GOLGA1: variants seen among roughly 807,000 people sequenced by gnomAD.
GOLGA1 encodes golgin A1.
A neutral mutation model predicts 119.7 loss-of-function variants in GOLGA1; 63 were observed. The observed-to-expected ratio is 0.53, with a 90% CI of 0.43 to 0.65. GOLGA1 has a LOEUF of 0.65. GOLGA1 is among the 30% of genes least tolerant of loss of function. The pLI is 0.00. For missense variants in GOLGA1, 798 were observed against 912.8 expected (o/e 0.87, Z 1.62); for synonymous variants, 318 against 333.4 (o/e 0.95, Z 0.50).
intron 12 of GOLGA1, 65 bp downstream of exon 12, chr9:124,908,312 C>T (rs945125025): frequency 3.6e-6 from 3 of 843,904 alleles, no homozygotes; most frequent in Non-Finnish European, 6.2e-6. Context: ...TTCTCAGTCA[C>T]ACCATGTTGC....
intron 19 of GOLGA1, among the ~76,000 whole-genome samples, chr9:124,884,354 A>C (rs1167722138): frequency 6.6e-6 from 1 of 152,200 alleles, no homozygotes; most frequent in Non-Finnish European, 1.5e-5. Flanking sequence ...GTAATATATC[A>C]AAATGCATTC....
chr9:124,936,454 C>A (rs1830872144), intron 3 of GOLGA1, among the ~76,000 whole-genome samples: 1 of 151,750 alleles, frequency 6.6e-6, no homozygotes, highest in Non-Finnish European at 1.5e-5. Context: ...TAAAAAAAAT[C>A]TTTAGAGACA....
intron 14 of GOLGA1, among the ~76,000 whole-genome samples, chr9:124,898,978 T>C (rs1237558644): frequency 6.6e-6 from 1 of 152,138 alleles, no homozygotes; most frequent in African/African-American, 2.4e-5. Flanking sequence ...GGCAGATCCC[T>C]TGAGCCTAGG....
chr9:124,939,538 T>TTTTCTTTC (rs1236751794), intron 2 of GOLGA1, among the ~76,000 whole-genome samples: 23 of 86,734 alleles, frequency 2.7e-4, no homozygotes, highest in East Asian at 9.7e-4. Flanking sequence ...AATGAGTTTA[T>TTTTCTTTC]TTTCTTTCTT....
At chr9:124,887,247 A>G (rs1435745367) in intron 19 of GOLGA1, among the ~76,000 whole-genome samples, 1 of 152,182 alleles carries the variant, frequency 6.6e-6, no homozygotes, top group Non-Finnish European at 1.5e-5. Flanking sequence ...AGGCAAAACG[A>G]AACTGTGGGG....
intron 3 of GOLGA1, among the ~76,000 whole-genome samples, chr9:124,937,990 C>T (rs113413080): frequency 2.0e-5 from 3 of 148,252 alleles, no homozygotes; most frequent in African/African-American, 7.5e-5. Flanking sequence ...GGCTGAGGCA[C>T]GAGAATTGCT....
chr9:124,890,758 C>T lies in GOLGA1; in HGVS notation c.1408-280G>A, dbSNP rs374921841. Among the ~76,000 whole-genome samples, 10 of 152,320 alleles carry T rather than the reference C, an allele frequency of 6.6e-5. No individual in the cohort carries two copies. In the East Asian group the frequency reaches 1.9e-3, roughly 29 times the overall value. On this transcript the variant is annotated intron_variant, in intron 15 of 22. Transcript: ENST00000373555. ...CAGGACCCACACCAAGGCTAGGGGC[C>T]TATCCTGAAGAGCTGGTCTAAGGAC...
intron 20 of GOLGA1, among the ~76,000 whole-genome samples, chr9:124,882,187 G>A (rs567789451): frequency 2.6e-5 from 4 of 152,286 alleles, no homozygotes; most frequent in South Asian, 2.1e-4. Flanking sequence ...GAAGCTGCTC[G>A]CATCCCGCAT....
intron 19 of GOLGA1, among the ~76,000 whole-genome samples, chr9:124,885,098 G>A (rs1305882580): frequency 6.6e-6 from 1 of 152,220 alleles, no homozygotes; most frequent in Non-Finnish European, 1.5e-5. Context: ...GGAGGCCGAG[G>A]CGGGCAGATC....
intron 14 of GOLGA1, 97 bp downstream of exon 14, chr9:124,899,232 A>T: frequency 8.8e-7 from 1 of 1,132,152 alleles, no homozygotes; most frequent in Non-Finnish European, 1.2e-6. Flanking sequence ...GTGGTTTCCT[A>T]GTGCAGAGGT....
At chr9:124,943,223 T>C (rs558715122), upstream of GOLGA1, 3 of 152,326 alleles carry the variant, frequency 2.0e-5, no homozygotes, top group African/African-American at 7.2e-5. Context: ...AATTTTCCCC[T>C]TAGTCATTGG....
intron 15 of GOLGA1, among the ~76,000 whole-genome samples, chr9:124,891,100 A>G (rs1829845158): frequency 6.6e-6 from 1 of 152,146 alleles, no homozygotes; most frequent in Non-Finnish European, 1.5e-5. Flanking sequence ...AGGCTGCAGG[A>G]AAATGGATTC....
chr9:124,931,030 G>A (rs905033645), intron 4 of GOLGA1, among the ~76,000 whole-genome samples: 2 of 152,170 alleles, frequency 1.3e-5, no homozygotes, highest in African/African-American at 2.4e-5. Flanking sequence ...TATGCTAATG[G>A]TGGAAGATGG....
In GOLGA1 at chr9:124,888,380, A is replaced by C. The variant is rs372195041; in HGVS notation, c.1778T>G (p.Met593Arg). The change falls in exon 19 of 23, where the codon ATG (methionine) becomes AGG (arginine). Residue 593 changes from methionine (M) to arginine (R), a missense_variant. Coordinates refer to ENST00000373555, the MANE Select transcript of GOLGA1 (RefSeq NM_002077.4). This position sits in a 1 kb window ranked among gnomAD's most constrained non-coding sequence, Gnocchi z 4.4. ...VNESHVTSRA[M>R]QDPVFQLPTA... ...TGGAAGCTGGAACACAGGGTCCTGC[A>C]TGGCCCTCGAGGTCACCTACAAGGT... 1.1e-5 allele frequency: 17 copies of C among 1,613,986 alleles called. No homozygotes were observed. Among genetic ancestry groups the C allele is most frequent in the Non-Finnish European group, 1.4e-5 (16 of 1,179,956 alleles).
At chr9:124,913,285 A>G (rs1182893853) in intron 10 of GOLGA1, among the ~76,000 whole-genome samples, 1 of 152,142 alleles carries the variant, frequency 6.6e-6, no homozygotes, top group Non-Finnish European at 1.5e-5. Flanking sequence ...GCCTAACCAT[A>G]TCACTGCTCA....
At chr9:124,925,696 C>T (rs1237332250) in intron 7 of GOLGA1, among the ~76,000 whole-genome samples, 1 of 152,068 alleles carries the variant, frequency 6.6e-6, no homozygotes, top group Non-Finnish European at 1.5e-5. Flanking sequence ...GCCTGGGCAA[C>T]AGAACAACCC....
chr9:124,928,649 A>T (rs1259562126), intron 5 of GOLGA1, among the ~76,000 whole-genome samples: 2 of 152,250 alleles, frequency 1.3e-5, no homozygotes, highest in Non-Finnish European at 1.5e-5. Context: ...TATCAGAATT[A>T]AAAACAAAAA....
At chr9:124,931,630 G>A (rs1351286834) in intron 3 of GOLGA1, among the ~76,000 whole-genome samples, 2 of 152,148 alleles carry the variant, frequency 1.3e-5, no homozygotes, top group Non-Finnish European at 2.9e-5. Context: ...TTATGTGTAC[G>A]CATGCTACTG....
Position 124,892,294 on chromosome 9 carries a change from T to C in GOLGA1, c.1408-1816A>G, listed in dbSNP as rs557182899. 5.9e-5 allele frequency among the ~76,000 whole-genome samples: 9 copies of C among 152,310 alleles called. 1 individual carries two copies. Among genetic ancestry groups the C allele is most frequent in the African/African-American group, 2.2e-4 (9 of 41,566 alleles). On this transcript the variant is annotated intron_variant, in intron 15 of 22. Transcript: ENST00000373555. ...TTTCATTAATTTCTGTGCTTATATT[T>C]GTTATTTCTTCCTTGAGTTTGATTT...
Sources: gnomAD v4.1 joint callset for allele counts (sites outside exome capture counted in the v4.1 genomes callset) on GRCh38, gnomAD v4.1.1 for gene constraint, Gnocchi (gnomAD v3.1) non-coding constraint, MANE v1.5 for transcripts, NCBI Gene and HGNC (gene_info 2026-07-23, HGNC 2026-07-21) for gene names.